Variants in TANC2 observed in about 807,000 individuals in gnomAD.
TANC2 encodes protein TANC2.
In TANC2, 26 loss-of-function variants were observed where a neutral mutation model predicts 210.5. That is an observed-to-expected ratio of 0.12 (90% CI 0.09 to 0.17). The LOEUF (loss-of-function observed/expected upper bound fraction) is 0.17. Among genes scored for constraint, TANC2 ranks in the 10% least tolerant of loss-of-function variants. The pLI is 1.00. For missense variants in TANC2, 2,129 were observed against 2,608.9 expected, an observed-to-expected ratio of 0.82 and a Z score of 4.01; for synonymous variants, 931 against 967.1, an observed-to-expected ratio of 0.96 and a Z score of 0.69.
chr17:62,986,359 C>T (rs2143502649), intron 1 of TANC2, among the ~76,000 whole-genome samples: 1 of 152,242 alleles, frequency 6.6e-6, no homozygotes, highest in Middle Eastern at 3.4e-3. Context: ...CTGCCAGGAG[C>T]AGCCTTCAGG....
intron 13 of TANC2, 48 bp downstream of exon 13, chr17:63,351,464 A>G: frequency 6.8e-7 from 1 of 1,474,530 alleles, no homozygotes; most frequent in South Asian, 1.5e-5. Context: ...TCTTGGAAAG[A>G]GCTTAGACTG....
intron 5 of TANC2, among the ~76,000 whole-genome samples, chr17:63,155,893 C>T (rs1053925009): frequency 2.6e-5 from 4 of 152,052 alleles, no homozygotes; most frequent in African/African-American, 7.2e-5. Flanking sequence ...TAAGCACAAG[C>T]CATTGTAAAC....
rs111775953 is a variant in TANC2, at chr17:63,195,418, G to A, written c.582+1279G>A. 1.2e-3 allele frequency among the ~76,000 whole-genome samples: 177 copies of A among 152,158 alleles called. 1 individual carries two copies. Among genetic ancestry groups the A allele is most frequent in the African/African-American group, 4.1e-3 (169 of 41,506 alleles). The stretch of plus-strand genomic sequence containing the variant: ...GCCATTTGACTTCCATCAGACCCAC[G>A]TTCACTCTTTCAGCAAATCGTAGAC... On this transcript the variant is annotated intron_variant, in intron 6 of 27. Transcript: ENST00000689528.
At chr17:63,399,161 C>A in intron 19 of TANC2, 2 of 264,142 alleles carry the variant, frequency 7.6e-6, no homozygotes, top group Non-Finnish European at 1.4e-5. Flanking sequence ...CTCTTGTTTC[C>A]AAATATTTTT....
intron 7 of TANC2, 42 bp downstream of exon 7, chr17:63,200,999 C>T (rs750278333): frequency 2.5e-5 from 39 of 1,537,268 alleles, no homozygotes; most frequent in Non-Finnish European, 3.3e-5. Flanking sequence ...TCCTTTTTTT[C>T]CTTTTTAAAA....
intron 12 of TANC2, 62 bp downstream of exon 12, chr17:63,340,394 A>C: frequency 7.3e-7 from 1 of 1,377,374 alleles, no homozygotes; most frequent in Non-Finnish European, 1.0e-6. Context: ...CACCCGGGTC[A>C]TACTATAAAA....
In TANC2 at chr17:62,991,133, G is replaced by A. The variant is rs966148828; in HGVS notation, c.-23-18404G>A. The stretch of plus-strand genomic sequence containing the variant: ...GTGGAATCAGAGAGCAAAGGGGCAA[G>A]GGAGTTTGGGGGTTTGGTGGGAGAG... On this transcript the variant is annotated intron_variant, in intron 1 of 27. Coordinates refer to ENST00000689528, the Ensembl canonical transcript of TANC2. 2.3e-4 allele frequency among the ~76,000 whole-genome samples: 35 copies of A among 152,120 alleles called. 1 individual carries two copies. Among genetic ancestry groups the A allele is most frequent in the Non-Finnish European group, 4.4e-5 (3 of 68,034 alleles).
At chr17:62,973,480 C>T (rs533911919) in intron 1 of TANC2, among the ~76,000 whole-genome samples, 5 of 152,216 alleles carry the variant, frequency 3.3e-5, no homozygotes, top group East Asian at 3.9e-4. Flanking sequence ...GATTGTTGAC[C>T]GTTATCTCAG....
At chr17:63,124,465 A>G (rs2038625669) in intron 4 of TANC2, among the ~76,000 whole-genome samples, 1 of 152,228 alleles carries the variant, frequency 6.6e-6, no homozygotes, top group South Asian at 2.1e-4. Flanking sequence ...ACTGTAGTCC[A>G]AACTCTTAGC....
chr17:63,087,768 C>T lies in TANC2; in HGVS notation c.140-11407C>T, dbSNP rs2037029883. ...TCTGCCTGAGCCTCCAATAATTCAT[C>T]AACTACAGTTCAGGTTTTCCTACTT... On this transcript the variant is annotated intron_variant, in intron 3 of 27. Transcript: ENST00000689528. 3.3e-5 allele frequency among the ~76,000 whole-genome samples: 5 copies of T among 152,262 alleles called. No homozygotes were observed. In the South Asian group the frequency reaches 1.0e-3, roughly 32 times the overall value.
chr17:63,377,717 C>T (rs2047469689), intron 14 of TANC2, among the ~76,000 whole-genome samples: 1 of 152,136 alleles, frequency 6.6e-6, no homozygotes, highest in Non-Finnish European at 1.5e-5. Context: ...CATTTTTGGG[C>T]AGCACCCTAC....
intron 1 of TANC2, among the ~76,000 whole-genome samples, chr17:62,969,363 T>C (rs2031554791): frequency 6.6e-6 from 1 of 152,230 alleles, no homozygotes; most frequent in African/African-American, 2.4e-5. Context: ...CTCCAGAACC[T>C]GTGCTCCTCA....
At chr17:63,101,692 C>T (rs2037627171) in intron 4 of TANC2, among the ~76,000 whole-genome samples, 1 of 152,102 alleles carries the variant, frequency 6.6e-6, no homozygotes, top group Non-Finnish European at 1.5e-5. Context: ...AATGCATAGC[C>T]AGTAAATAAA....
chr17:63,158,520 C>T (rs1301869726), intron 5 of TANC2, among the ~76,000 whole-genome samples: 1 of 152,234 alleles, frequency 6.6e-6, no homozygotes, highest in African/African-American at 2.4e-5. Context: ...AGCTGGAATT[C>T]TGTATCTGAT....
At chr17:63,163,946 A>G (rs2040116255) in intron 5 of TANC2, among the ~76,000 whole-genome samples, 1 of 152,182 alleles carries the variant, frequency 6.6e-6, no homozygotes, top group Non-Finnish European at 1.5e-5. Flanking sequence ...AAGACTGGCT[A>G]CATATTGATG....
intron 2 of TANC2, among the ~76,000 whole-genome samples, chr17:63,011,034 G>A (rs891073038): frequency 2.6e-5 from 4 of 151,994 alleles, no homozygotes; most frequent in Admixed American, 6.6e-5. Flanking sequence ...GAAATCAGAC[G>A]GTAAGGCTGA....
chr17:63,294,854 T>C (rs1598794957), intron 9 of TANC2, among the ~76,000 whole-genome samples: 1 of 152,222 alleles, frequency 6.6e-6, no homozygotes, highest in Admixed American at 6.5e-5. Flanking sequence ...TCACATTCTG[T>C]TGCTAAATGA....
intron 1 of TANC2, among the ~76,000 whole-genome samples, chr17:62,995,907 G>C (rs2033085557): frequency 6.6e-6 from 1 of 152,234 alleles, no homozygotes; most frequent in Admixed American, 6.5e-5. Context: ...ACAATGAACA[G>C]TGATAGCACT....
intron 11 of TANC2, chr17:63,331,933 C>T (rs1447740121): frequency 8.6e-6 from 2 of 232,852 alleles, no homozygotes; most frequent in Non-Finnish European, 1.7e-5. Context: ...TTGGCGGTAT[C>T]AACTCTCAGT....
Sources: allele counts gnomAD v4.1 joint callset (sites outside exome capture counted in the v4.1 genomes callset), GRCh38; gene constraint gnomAD v4.1.1; transcripts MANE v1.5; gene names NCBI Gene and HGNC (gene_info 2026-07-23, HGNC 2026-07-21).